The following SIPA1L1 variants were observed in gnomAD, a reference collection of about 807,000 sequenced individuals.
SIPA1L1 encodes signal induced proliferation associated 1 like 1.
Under a neutral mutation model 162.7 loss-of-function variants are expected in SIPA1L1, and 26 were observed. The observed-to-expected ratio is 0.16, with a 90% CI of 0.12 to 0.22. The LOEUF (loss-of-function observed/expected upper bound fraction) is 0.22. SIPA1L1 is among the 10% of genes least tolerant of loss of function. The pLI is 1.00. For synonymous variants in SIPA1L1, 829 were observed against 837.4 expected (o/e 0.99, Z 0.17); for missense variants, 1,874 against 2,241.0 (o/e 0.84, Z 3.31).
At chr14:71,611,186 G>A (rs1036286812) in intron 5 of SIPA1L1, among the ~76,000 whole-genome samples, 3 of 152,012 alleles carry the variant, frequency 2.0e-5, no homozygotes, top group African/African-American at 4.8e-5. Context: ...TAAACAGTTG[G>A]CCTCTTATTA....
chr14:71,382,209 G>A (rs183833379), intron 2 of SIPA1L1, among the ~76,000 whole-genome samples: 39 of 152,268 alleles, frequency 2.6e-4, no homozygotes, highest in Non-Finnish European at 4.7e-4. Context: ...TCTGGATTAG[G>A]TGCTCTTCCC....
chr14:71,571,731 T>C (rs2032074884), intron 4 of SIPA1L1, among the ~76,000 whole-genome samples: 1 of 151,634 alleles, frequency 6.6e-6, no homozygotes, highest in East Asian at 1.9e-4. Context: ...AAGCTCCGCC[T>C]CCCGGGTTCA....
intron 4 of SIPA1L1, among the ~76,000 whole-genome samples, chr14:71,552,478 G>A (rs1358681321): frequency 1.3e-5 from 2 of 150,238 alleles, no homozygotes; most frequent in African/African-American, 4.9e-5. Flanking sequence ...TGCAAGCTCC[G>A]CCTCCCAGGT....
chr14:71,709,795 T>C, intron 17 of SIPA1L1, 131 bp downstream of exon 17: 1 of 683,426 alleles, frequency 1.5e-6, no homozygotes, highest in Non-Finnish European at 2.4e-6. Flanking sequence ...TATTTTTATA[T>C]GTTTAATGCC....
chr14:71,329,381 G>A (rs1330104617), intron 2 of SIPA1L1, among the ~76,000 whole-genome samples: 1 of 148,410 alleles, frequency 6.7e-6, no homozygotes, highest in Non-Finnish European at 1.5e-5. Context: ...GTTCATAAGG[G>A]TTCTAACTTC....
intron 4 of SIPA1L1, among the ~76,000 whole-genome samples, chr14:71,560,154 A>G (rs907688502): frequency 1.3e-5 from 2 of 152,234 alleles, no homozygotes; most frequent in Non-Finnish European, 2.9e-5. Context: ...TAAAAATTAA[A>G]TTGTTAAGTA....
chr14:71,354,978 C>T (rs1357303747), intron 2 of SIPA1L1, among the ~76,000 whole-genome samples: 1 of 152,106 alleles, frequency 6.6e-6, no homozygotes, highest in African/African-American at 2.4e-5. Flanking sequence ...ATTAGTGAGA[C>T]TTGTCTTGAA....
chr14:71,637,097 T>TA (rs2041226598), intron 7 of SIPA1L1, among the ~76,000 whole-genome samples: 1 of 55,414 alleles, frequency 1.8e-5, no homozygotes, highest in African/African-American at 1.3e-4. Context: ...TAAAAAAAAA[T>TA]TTTTTTTTTT....
At chr14:71,567,395 CAG>C (rs2030892720) in intron 4 of SIPA1L1, among the ~76,000 whole-genome samples, 1 of 152,062 alleles carries the variant, frequency 6.6e-6, no homozygotes, top group Non-Finnish European at 1.5e-5. Context: ...AATGGAAAAA[CAG>C]AAGCCGTTTA....
intron 2 of SIPA1L1, among the ~76,000 whole-genome samples, chr14:71,397,234 C>T (rs571713231): frequency 7.9e-5 from 12 of 152,102 alleles, no homozygotes; most frequent in South Asian, 2.1e-4. Context: ...TTTTAGTTGA[C>T]TTTGGTCCCA....
intron 4 of SIPA1L1, among the ~76,000 whole-genome samples, chr14:71,560,251 A>G (rs914256707): frequency 2.6e-5 from 4 of 152,254 alleles, no homozygotes; most frequent in African/African-American, 9.6e-5. Context: ...CCTCTCTAGT[A>G]GCATAAGCAA....
chr14:71,401,748 G>A (rs1036030708), intron 2 of SIPA1L1, among the ~76,000 whole-genome samples: 4 of 151,874 alleles, frequency 2.6e-5, no homozygotes, highest in African/African-American at 9.7e-5. Context: ...CTTTTGGTAA[G>A]TTATATATCA....
intron 4 of SIPA1L1, chr14:71,573,521 G>A (rs1476170935): frequency 2.2e-6 from 1 of 456,072 alleles, no homozygotes; most frequent in East Asian, 6.9e-5. Context: ...TCAAGAGAAA[G>A]AGTGGATGTC....
chr14:71,321,013 C>A (rs1050209894), intron 1 of SIPA1L1, 109 bp from the exon 2 acceptor site: 2 of 152,340 alleles, frequency 1.3e-5, no homozygotes, highest in Admixed American at 1.3e-4. Flanking sequence ...CTCGGGCCCC[C>A]CTCCGCTCCG....
intron 2 of SIPA1L1, chr14:71,330,688 C>T (rs921163753): frequency 2.3e-6 from 2 of 875,948 alleles, no homozygotes. Context: ...AGGAGGAATC[C>T]ATCCTGGAGG....
chr14:71,641,942 C>G, intron 7 of SIPA1L1, among the ~76,000 whole-genome samples: 1 of 152,274 alleles, frequency 6.6e-6, no homozygotes, highest in Admixed American at 6.5e-5. Context: ...TGGCAGTGTT[C>G]TGTATTTTGA....
chr14:71,700,994 C>CAAAAAAAAAAAAAAAAAAAAAAAAAAAA (rs539293669), intron 14 of SIPA1L1, among the ~76,000 whole-genome samples: 1 of 51,736 alleles, frequency 1.9e-5, no homozygotes, highest in Non-Finnish European at 3.4e-5. Context: ...GACTCCGTCT[C>CAAAAAAAAAAAAAAAAAAAAAAAAAAAA]AAAAAAAAAA....
intron 10 of SIPA1L1, among the ~76,000 whole-genome samples, chr14:71,662,040 G>A (rs1403590156): frequency 6.6e-6 from 1 of 152,214 alleles, no homozygotes; most frequent in East Asian, 1.9e-4. Context: ...ACTAGAGTTA[G>A]GAGTTGAAGG....
chr14:71,669,046 G>C (rs79801679), intron 10 of SIPA1L1, among the ~76,000 whole-genome samples: 3,898 of 152,228 alleles, frequency 0.026, 182 homozygotes, highest in African/African-American at 0.089. Context: ...AACCTTGCCA[G>C]TTTGATTTAT....
Sources: gnomAD v4.1 joint callset for allele counts (sites outside exome capture counted in the v4.1 genomes callset) on GRCh38, gnomAD v4.1.1 for gene constraint, MANE v1.5 for transcripts, NCBI Gene and HGNC (gene_info 2026-07-23, HGNC 2026-07-21) for gene names.